NPTN: variants seen among roughly 807,000 people sequenced by gnomAD.
The protein encoded by NPTN is SDR-1.
Under a neutral mutation model 42.7 loss-of-function variants are expected in NPTN, and 5 were observed. The ratio of observed to expected loss-of-function variants is 0.12; its 90% CI spans 0.06 to 0.25. NPTN has a LOEUF of 0.25. NPTN is among the 10% of genes least tolerant of loss of function. The pLI, the probability that NPTN is intolerant of heterozygous loss-of-function variation, is 1.00. For synonymous variants in NPTN, 180 were observed against 201.9 expected (o/e 0.89, Z 0.92); for missense variants, 307 against 525.4 (o/e 0.58, Z 4.06).
At chr15:73,613,472 T>G (rs1393460583) in intron 1 of NPTN, among the ~76,000 whole-genome samples, 1 of 152,126 alleles carries the variant, frequency 6.6e-6, no homozygotes, top group East Asian at 1.9e-4. Context: ...TTTTAAATGG[T>G]AGTATACAAA....
At chr15:73,606,711 A>G (rs184544417) in intron 1 of NPTN, among the ~76,000 whole-genome samples, 2 of 152,372 alleles carry the variant, frequency 1.3e-5, no homozygotes, top group Admixed American at 6.5e-5. Context: ...GTTACAAAAC[A>G]TTTAAAGAGT....
intron 8 of NPTN, among the ~76,000 whole-genome samples, chr15:73,561,675 A>G (rs1367960273): frequency 2.6e-5 from 4 of 152,130 alleles, no homozygotes; most frequent in Non-Finnish European, 4.4e-5. Flanking sequence ...GTGAGACTCC[A>G]TCTTAAAAAA....
Position 73,572,950 on chromosome 15 carries a change from C to T in NPTN, c.840+712G>A, listed in dbSNP as rs1448193820. ...TCCTGACAGTGAATTCTCATGAGAC[C>T]CGGTTGTTTAAAAGTGTGTAGCATC... On this transcript the variant is annotated intron_variant, in intron 5 of 8. Coordinates refer to ENST00000345330, the MANE Select transcript of NPTN (RefSeq NM_012428.4). Among the ~76,000 whole-genome samples, 5 of 151,964 alleles carry T rather than the reference C, an allele frequency of 3.3e-5. No homozygotes were observed. The East Asian group carries it at 9.7e-4, about 29-fold the overall frequency.
intron 3 of NPTN, among the ~76,000 whole-genome samples, chr15:73,589,204 C>T (rs1896470565): frequency 6.6e-6 from 1 of 151,862 alleles, no homozygotes; most frequent in Admixed American, 6.6e-5. Context: ...TGGTGGTGCA[C>T]GTATAGTCCT....
chr15:73,563,946 G>T (rs1894835502), intron 6 of NPTN, among the ~76,000 whole-genome samples: 1 of 152,212 alleles, frequency 6.6e-6, no homozygotes, highest in African/African-American at 2.4e-5. Flanking sequence ...AAAGACTTCA[G>T]AAAGACAGGC....
At chr15:73,632,628 C>T (rs1203227946) in intron 1 of NPTN, 3 of 153,508 alleles carry the variant, frequency 2.0e-5, no homozygotes, top group African/African-American at 4.8e-5. Flanking sequence ...GACTCTCTTC[C>T]CCCCAATTTC....
intron 7 of NPTN, 139 bp from the exon 8 acceptor site, chr15:73,562,109 T>C (rs1315169193): frequency 3.6e-5 from 23 of 644,710 alleles, no homozygotes; most frequent in Middle Eastern, 4.2e-4. Context: ...TATGAGTGCA[T>C]AAAAAAACAT....
chr15:73,600,703 T>A (rs1897045375), intron 1 of NPTN, among the ~76,000 whole-genome samples: 1 of 152,188 alleles, frequency 6.6e-6, no homozygotes, highest in Non-Finnish European at 1.5e-5. Context: ...AATAAATTAA[T>A]TAATAATAAT....
chr15:73,566,294 C>T (rs1193671511), intron 6 of NPTN, among the ~76,000 whole-genome samples: 1 of 152,162 alleles, frequency 6.6e-6, no homozygotes, highest in Admixed American at 6.5e-5. Context: ...GATTTTGGAA[C>T]ATTAGAACAG....
intron 1 of NPTN, among the ~76,000 whole-genome samples, chr15:73,626,817 T>C (rs1351330114): frequency 6.6e-6 from 1 of 152,234 alleles, no homozygotes; most frequent in African/African-American, 2.4e-5. Flanking sequence ...TTACATAATA[T>C]ATCCAACCCT....
intron 1 of NPTN, among the ~76,000 whole-genome samples, chr15:73,606,376 T>A (rs140096859): frequency 2.0e-5 from 3 of 152,290 alleles, no homozygotes; most frequent in Non-Finnish European, 4.4e-5. Context: ...TTTAGGTAAT[T>A]CACTTCCCAA....
At chr15:73,607,682 C>A (rs1335302765) in intron 1 of NPTN, among the ~76,000 whole-genome samples, 5 of 152,164 alleles carry the variant, frequency 3.3e-5, no homozygotes, top group Admixed American at 3.3e-4. Context: ...ATTAATATTT[C>A]CAAAGCATAA....
At chr15:73,564,660 A>C (rs927624447) in intron 6 of NPTN, among the ~76,000 whole-genome samples, 4 of 152,136 alleles carry the variant, frequency 2.6e-5, no homozygotes, top group African/African-American at 9.7e-5. Context: ...CAGTGGAGAG[A>C]TACAAAGACA....
At chr15:73,568,903 G>A (rs879453675) in intron 6 of NPTN, 4 of 985,408 alleles carry the variant, frequency 4.1e-6, no homozygotes, top group Non-Finnish European at 4.8e-6. Flanking sequence ...GGAAGGGGCT[G>A]TTGCTCTCAA....
At chr15:73,583,409 C>A (rs1896155225) in intron 4 of NPTN, among the ~76,000 whole-genome samples, 1 of 152,230 alleles carries the variant, frequency 6.6e-6, no homozygotes, top group Non-Finnish European at 1.5e-5. Flanking sequence ...TTCCCTCAAG[C>A]CTCAATTTTC....
rs1453549879 is a variant in NPTN at position 73,597,739 on chromosome 15, C to T, written c.92-370G>A. Among the ~76,000 whole-genome samples, 2 of 152,192 alleles carry T rather than the reference C, an allele frequency of 1.3e-5. No individual in the cohort carries two copies. The highest frequency in any genetic ancestry group is 2.4e-5 in the African/African-American group (1 of 41,460). The stretch of plus-strand genomic sequence containing the variant: ...TCCTTAGAACACAAACCATTTATTA[C>T]CTTTTTAAACTCAGGCAAGTGATGA... On this transcript the variant is annotated intron_variant, in intron 1 of 8. Transcript: ENST00000345330. The surrounding 1 kb of genome is among the most constrained non-coding windows in gnomAD (Gnocchi z 6.3).
chr15:73,575,078 G>C (rs1895613566), intron 4 of NPTN, among the ~76,000 whole-genome samples: 1 of 152,202 alleles, frequency 6.6e-6, no homozygotes, highest in South Asian at 2.1e-4. Context: ...CCAACTCCTG[G>C]TTTCAAGCGA....
At chr15:73,567,155 A>C in intron 6 of NPTN, 10 of 984,894 alleles carry the variant, frequency 1.0e-5, no homozygotes, top group Non-Finnish European at 1.2e-5. Flanking sequence ...TGTATTGTTC[A>C]CTTAGTGCTT....
intron 1 of NPTN, among the ~76,000 whole-genome samples, chr15:73,607,726 G>C (rs1897356190): frequency 6.6e-6 from 1 of 152,134 alleles, no homozygotes; most frequent in Non-Finnish European, 1.5e-5. Flanking sequence ...TGAGAACTTT[G>C]TCATTACATA....
Sources: gnomAD v4.1 joint callset for allele counts (sites outside exome capture counted in the v4.1 genomes callset) on GRCh38, gnomAD v4.1.1 for gene constraint, Gnocchi (gnomAD v3.1) non-coding constraint, MANE v1.5 for transcripts, NCBI Gene and HGNC (gene_info 2026-07-23, HGNC 2026-07-21) for gene names.